Variants in RFX4 observed in about 807,000 individuals in gnomAD.
RFX4 encodes transcription factor RFX4.
Under a neutral mutation model 95.0 loss-of-function variants are expected in RFX4, and 10 were observed. The observed-to-expected ratio is 0.11, with a 90% confidence interval of 0.06 to 0.18. The LOEUF (loss-of-function observed/expected upper bound fraction) is 0.18, where lower values mean the gene tolerates loss of function less well. Among genes scored for constraint, RFX4 ranks in the 10% least tolerant of loss-of-function variants. RFX4 has a pLI of 1.00. For synonymous variants in RFX4, 321 were observed against 340.7 expected (o/e 0.94, Z 0.64); for missense variants, 640 against 922.0 (o/e 0.69, Z 3.96).
At chr12:106,761,033 C>T (rs2043200049) in intron 17 of RFX4, among the ~76,000 whole-genome samples, 164 bp from the exon 18 acceptor site, 1 of 151,786 alleles carries the variant, frequency 6.6e-6, no homozygotes, top group African/African-American at 2.4e-5. Flanking sequence ...GTTGACTTCC[C>T]TAAGACCAAT....
intron 15 of RFX4, among the ~76,000 whole-genome samples, chr12:106,746,858 C>T (rs7958475): frequency 0.012 from 1,821 of 152,290 alleles, 34 homozygotes; most frequent in African/African-American, 0.042. Context: ...TTTTCCTTCT[C>T]GCCCTCCCTT....
chr12:106,703,881 T>C (rs1200750538), intron 8 of RFX4, among the ~76,000 whole-genome samples: 1 of 151,884 alleles, frequency 6.6e-6, no homozygotes, highest in Admixed American at 6.6e-5. Context: ...GCCTGGCCAA[T>C]GTGTCGAAAC....
intron 15 of RFX4, among the ~76,000 whole-genome samples, chr12:106,733,830 C>T (rs530161106): frequency 6.6e-6 from 1 of 152,332 alleles, no homozygotes; most frequent in South Asian, 2.1e-4. Flanking sequence ...AGCTTGGATA[C>T]ACACCCAAAA....
In RFX4 at chr12:106,628,958, C is replaced by T. The variant is rs1328621722; in HGVS notation, c.131-10374C>T. 4.6e-5 allele frequency among the ~76,000 whole-genome samples: 7 copies of T among 151,908 alleles called. No homozygotes were observed. The East Asian group carries it at 5.8e-4, about 13-fold the overall frequency. Reference sequence around the variant, plus strand: ...TGTTTTTGTAGAGGCAAGGTCTTGCCGTGTTGGTTAGGCTGGTCTCGAATT... The same window carrying T: ...TGTTTTTGTAGAGGCAAGGTCTTGCTGTGTTGGTTAGGCTGGTCTCGAATT... On this transcript the variant is annotated intron_variant, in intron 2 of 17. Transcript: ENST00000392842.
chr12:106,715,573 C>T (rs376328123), intron 11 of RFX4, 29 bp downstream of exon 11: 2 of 1,605,180 alleles, frequency 1.2e-6, no homozygotes, highest in African/African-American at 2.7e-5. Context: ...GATTGTTGTC[C>T]TGTTTTTATT....
intron 3 of RFX4, among the ~76,000 whole-genome samples, chr12:106,648,191 A>G (rs185024286): frequency 1.3e-5 from 2 of 152,338 alleles, no homozygotes; most frequent in South Asian, 4.1e-4. Flanking sequence ...TGCACTGAAC[A>G]TAGTTCCATG....
rs146332045 is a variant in RFX4 at position 106,710,199 on chromosome 12, C to T, written c.934+769C>T. On this transcript the variant is annotated intron_variant, in intron 9 of 17. Coordinates refer to ENST00000392842, the MANE Select transcript of RFX4 (RefSeq NM_213594.3). The stretch of plus-strand genomic sequence containing the variant: ...TTTTTAAAGCCCCATTTGAATACAA[C>T]GGCTTGCTATTCCTGCCCAAAATAA... 1.8e-3 allele frequency among the ~76,000 whole-genome samples: 275 copies of T among 152,212 alleles called. 2 individuals carry two copies. The highest frequency in any genetic ancestry group is 0.017 in the Middle Eastern group (5 of 294).
chr12:106,678,994 C>A (rs1343736721), intron 4 of RFX4, among the ~76,000 whole-genome samples: 2 of 152,128 alleles, frequency 1.3e-5, no homozygotes, highest in East Asian at 1.9e-4. Flanking sequence ...ATTAATAGAT[C>A]AAAAATATAA....
intron 11 of RFX4, among the ~76,000 whole-genome samples, chr12:106,717,479 C>G (rs922014201): frequency 6.6e-6 from 1 of 152,216 alleles, no homozygotes; most frequent in African/African-American, 2.4e-5. Flanking sequence ...GTGGCTTTCT[C>G]TTCAAGTTCC....
intron 15 of RFX4, among the ~76,000 whole-genome samples, chr12:106,741,814 A>G (rs1451572622): frequency 6.6e-6 from 1 of 151,764 alleles, no homozygotes; most frequent in Non-Finnish European, 1.5e-5. Context: ...GGTGGGGGGG[A>G]TGGTTTCAGG....
chr12:106,743,968 C>T (rs921705842), intron 15 of RFX4, among the ~76,000 whole-genome samples: 2 of 152,058 alleles, frequency 1.3e-5, no homozygotes, highest in African/African-American at 2.4e-5. Flanking sequence ...TTTCTTTTTA[C>T]GGAGGCAATA....
intron 15 of RFX4, 183 bp downstream of exon 15, chr12:106,733,268 A>G (rs971933367): frequency 3.3e-6 from 2 of 598,394 alleles, no homozygotes; most frequent in African/African-American, 1.9e-5. Context: ...CCCAGGAGCT[A>G]CGATCGCACC....
At chr12:106,740,309 G>T (rs1274627002) in intron 15 of RFX4, among the ~76,000 whole-genome samples, 1 of 152,188 alleles carries the variant, frequency 6.6e-6, no homozygotes, top group African/African-American at 2.4e-5. Context: ...TAGTTATTCT[G>T]AGGGCAGCTA....
intron 3 of RFX4, among the ~76,000 whole-genome samples, chr12:106,640,695 C>T (rs1424728866): frequency 2.0e-5 from 3 of 152,040 alleles, no homozygotes; most frequent in Non-Finnish European, 4.4e-5. Flanking sequence ...ATGCAAGTTC[C>T]CATAGTGCCA....
At position 106,733,072 on chromosome 12, in the gene RFX4, C is replaced by A. The variant is rs760246291; in HGVS notation, c.1620C>A (p.Gly540=). 6 of 1,614,034 alleles carry A rather than the reference C, an allele frequency of 3.7e-6. No homozygotes were observed. Among genetic ancestry groups the A allele is most frequent in the Non-Finnish European group, 5.1e-6 (6 of 1,180,012 alleles). ...PVSNPSPEYT[G]LSTTGAMQSY... is the part of the protein sequence containing the mutation. ...GCAATCCTTCCCCTGAGTACACTGGCCTCAGCACTACAGGTAATGGAAAGT... is the reference window on the plus strand; with the variant it reads ...GCAATCCTTCCCCTGAGTACACTGGACTCAGCACTACAGGTAATGGAAAGT... Residue 540 remains glycine (G), a synonymous_variant, in exon 15 of 18, where the codon GGC becomes GGA. Transcript: ENST00000392842.
intron 13 of RFX4, among the ~76,000 whole-genome samples, chr12:106,722,822 C>T (rs1420841766): frequency 6.6e-6 from 1 of 152,166 alleles, no homozygotes; most frequent in African/African-American, 2.4e-5. Flanking sequence ...AGACAAAAGC[C>T]CAGCTCCCCC....
chr12:106,754,725 G>A (rs1199341921), intron 17 of RFX4, among the ~76,000 whole-genome samples: 1 of 152,228 alleles, frequency 6.6e-6, no homozygotes, highest in Non-Finnish European at 1.5e-5. Context: ...CCAAGGACAA[G>A]TGAAAGCCCA....
At chr12:106,591,619 G>A (rs2039547520) in intron 1 of RFX4, among the ~76,000 whole-genome samples, 1 of 151,996 alleles carries the variant, frequency 6.6e-6, no homozygotes, top group South Asian at 2.1e-4. Flanking sequence ...ACAAAAATAG[G>A]GACATAAGTA....
intron 1 of RFX4, 174 bp downstream of exon 1, chr12:106,583,537 T>C: frequency 1.8e-6 from 1 of 542,772 alleles, no homozygotes; most frequent in Non-Finnish European, 3.1e-6. Context: ...TGTAACTGGA[T>C]GCGTGGAAGT....
Sources: allele counts gnomAD v4.1 joint callset (sites outside exome capture counted in the v4.1 genomes callset), GRCh38; gene constraint gnomAD v4.1.1; transcripts MANE v1.5; gene names NCBI Gene and HGNC (gene_info 2026-07-23, HGNC 2026-07-21).